Variants in TENM2 observed in about 807,000 individuals in gnomAD.
The protein encoded by TENM2 is teneurin transmembrane protein 2, also known as teneurin-2.
A neutral mutation model predicts 245.2 loss-of-function variants in TENM2; 52 were observed. The ratio of observed to expected loss-of-function variants is 0.21; its 90% confidence interval spans 0.17 to 0.27. The LOEUF (loss-of-function observed/expected upper bound fraction) is 0.27. Ranked by LOEUF, TENM2 falls within the 10% of genes least tolerant of loss-of-function variation. The pLI is 1.00. For missense variants in TENM2, 3,046 were observed against 3,666.8 expected (o/e 0.83, Z 4.37); for synonymous variants, 1,363 against 1,438.9 (o/e 0.95, Z 1.19).
the TENM2 span, among the ~76,000 whole-genome samples, chr5:167,029,594 G>C: frequency 6.6e-6 from 1 of 152,088 alleles, no homozygotes; most frequent in Non-Finnish European, 1.5e-5. Flanking sequence ...ATTGGCAAGT[G>C]ACTTATCAGG....
chr5:167,744,809 AAAC>A (rs1761443016), intron 2 of TENM2, among the ~76,000 whole-genome samples: 1 of 132,642 alleles, frequency 7.5e-6, no homozygotes, highest in Admixed American at 7.6e-5. Context: ...CTCTAAAACA[AAAC>A]AAACAAACAA....
intron 2 of TENM2, among the ~76,000 whole-genome samples, chr5:167,397,061 A>G (rs906403280): frequency 3.3e-5 from 5 of 152,190 alleles, no homozygotes; most frequent in African/African-American, 1.2e-4. Context: ...TAATAAAAAG[A>G]GTCAAGATGT....
At chr5:167,031,595 G>A in the TENM2 span, among the ~76,000 whole-genome samples, 185 of 152,116 alleles carry the variant, frequency 1.2e-3, 1 homozygote, top group African/African-American at 4.3e-3. Context: ...ATGGAGTTTT[G>A]TTCTTGTTGC....
the TENM2 span, among the ~76,000 whole-genome samples, chr5:167,166,552 A>T: frequency 1.2e-4 from 18 of 152,286 alleles, no homozygotes; most frequent in East Asian, 3.5e-3. Flanking sequence ...AGGGAGGTTT[A>T]TTATGATTTT....
chr5:167,955,295 C>T (rs1425360637), intron 4 of TENM2, among the ~76,000 whole-genome samples: 2 of 152,088 alleles, frequency 1.3e-5, no homozygotes, highest in Non-Finnish European at 2.9e-5. Flanking sequence ...ATATCCTTCA[C>T]CCAATTTTTG....
the TENM2 span, among the ~76,000 whole-genome samples, chr5:167,279,249 T>C: frequency 6.6e-6 from 1 of 152,208 alleles, no homozygotes; most frequent in Non-Finnish European, 1.5e-5. Flanking sequence ...TGGATGCAAT[T>C]GGATTTGTCC....
chr5:167,529,887 T>C (rs1307217404), intron 2 of TENM2, among the ~76,000 whole-genome samples: 1 of 152,098 alleles, frequency 6.6e-6, no homozygotes, highest in Non-Finnish European at 1.5e-5. Flanking sequence ...AGCTGTTGAG[T>C]GGAATAGAGA....
intron 2 of TENM2, among the ~76,000 whole-genome samples, chr5:167,691,140 C>A (rs771154587): frequency 1.3e-5 from 2 of 152,078 alleles, no homozygotes; most frequent in Non-Finnish European, 2.9e-5. Context: ...ATTTTCTGGG[C>A]AACCAATGTC....
intron 2 of TENM2, among the ~76,000 whole-genome samples, chr5:167,604,322 T>G (rs1483852248): frequency 6.6e-6 from 1 of 152,138 alleles, no homozygotes; most frequent in Non-Finnish European, 1.5e-5. Context: ...ACTTTTAGCC[T>G]TGAAACTCAA....
intron 2 of TENM2, among the ~76,000 whole-genome samples, chr5:167,543,889 T>C (rs1772381657): frequency 2.0e-5 from 3 of 152,196 alleles, no homozygotes; most frequent in Admixed American, 6.5e-5. Context: ...ATCATCTTCC[T>C]ATAAGGACAT....
At chr5:167,837,875 C>T (rs538603051) in intron 2 of TENM2, among the ~76,000 whole-genome samples, 3 of 151,978 alleles carry the variant, frequency 2.0e-5, no homozygotes, top group Non-Finnish European at 2.9e-5. Flanking sequence ...ATCTACTTAG[C>T]GCAGCATATG....
At chr5:168,204,800 A>G (rs932085783) in intron 19 of TENM2, among the ~76,000 whole-genome samples, 179 bp downstream of exon 21, 1 of 152,134 alleles carries the variant, frequency 6.6e-6, no homozygotes, top group Non-Finnish European at 1.5e-5. Flanking sequence ...TCTGTGAAAA[A>G]CCATACACAG....
chr5:167,117,269 C>A, the TENM2 span, among the ~76,000 whole-genome samples: 5 of 152,162 alleles, frequency 3.3e-5, no homozygotes, highest in African/African-American at 1.2e-4. Flanking sequence ...TTTGGGAGGC[C>A]CAGGCGGGTG....
the TENM2 span, among the ~76,000 whole-genome samples, chr5:167,035,354 A>G: frequency 1.3e-5 from 2 of 152,240 alleles, no homozygotes; most frequent in African/African-American, 4.8e-5. Context: ...TTCGAGGACT[A>G]ATATGACCAA....
chr5:167,572,871 C>T (rs1774369439), intron 2 of TENM2, among the ~76,000 whole-genome samples: 1 of 152,204 alleles, frequency 6.6e-6, no homozygotes, highest in South Asian at 2.1e-4. Flanking sequence ...GAAAGCAATC[C>T]TGTTGTCACA....
At chr5:167,154,737 T>C in the TENM2 span, among the ~76,000 whole-genome samples, 3 of 152,210 alleles carry the variant, frequency 2.0e-5, no homozygotes, top group Non-Finnish European at 4.4e-5. Context: ...TGTAAGTGAC[T>C]CGACTTCTCC....
intron 27 of TENM2, among the ~76,000 whole-genome samples, chr5:168,258,940 T>C (rs2152718041): frequency 6.6e-6 from 1 of 152,242 alleles, no homozygotes; most frequent in East Asian, 1.9e-4. Flanking sequence ...CCTAGCACTT[T>C]GGGAGGCCAA....
chr5:168,055,954 C>T (rs970309697), intron 6 of TENM2, among the ~76,000 whole-genome samples: 1 of 152,160 alleles, frequency 6.6e-6, no homozygotes, highest in African/African-American at 2.4e-5. Flanking sequence ...TTCAGCTAGA[C>T]CTTAAAATGT....
At chr5:167,656,506 C>T (rs73801318) in intron 2 of TENM2, among the ~76,000 whole-genome samples, 5,088 of 152,054 alleles carry the variant, frequency 0.033, 287 homozygotes, top group African/African-American at 0.12. Context: ...ACCCAGGAAC[C>T]GTGTCAAGTA....
Sources: gnomAD v4.1 joint callset for allele counts (sites outside exome capture counted in the v4.1 genomes callset) on GRCh38, gnomAD v4.1.1 for gene constraint, MANE v1.5 for transcripts, NCBI Gene and HGNC (gene_info 2026-07-23, HGNC 2026-07-21) for gene names.